Variants in RBMS3 observed in about 807,000 individuals in gnomAD.
The protein encoded by RBMS3 is RNA binding motif single stranded interacting protein 3.
Under a neutral mutation model 66.8 loss-of-function variants are expected in RBMS3, and 27 were observed. That is an observed-to-expected ratio of 0.40 (90% CI 0.30 to 0.56). RBMS3 has a LOEUF of 0.56. Among genes scored for constraint, RBMS3 ranks in the 20% least tolerant of loss-of-function variants. RBMS3 has a pLI of 0.40. For missense variants in RBMS3, 513 were observed against 549.5 expected (o/e 0.93, Z 0.66); for synonymous variants, 188 against 183.0 (o/e 1.03, Z -0.22).
chr3:29,501,222 C>T (rs56400804), intron 3 of RBMS3, among the ~76,000 whole-genome samples: 20,051 of 152,086 alleles, frequency 0.13, 1,962 homozygotes, highest in African/African-American at 0.27. Context: ...AAGTTTAACA[C>T]GTCCACTTTG....
At chr3:29,896,427 A>G (rs1469509377) in intron 8 of RBMS3, among the ~76,000 whole-genome samples, 1 of 151,532 alleles carries the variant, frequency 6.6e-6, no homozygotes, top group Non-Finnish European at 1.5e-5. Context: ...CAAAAGAATT[A>G]TACCATTATT....
chr3:29,468,446 C>T (rs1481371442), intron 2 of RBMS3, among the ~76,000 whole-genome samples: 1 of 152,140 alleles, frequency 6.6e-6, no homozygotes, highest in Admixed American at 6.6e-5. Flanking sequence ...TTAACCTAAT[C>T]TGGAATAAGT....
intron 4 of RBMS3, chr3:29,641,211 T>G (rs1306387923): frequency 1.3e-5 from 2 of 152,036 alleles, no homozygotes; most frequent in African/African-American, 4.8e-5. Context: ...ATAAGTTGTG[T>G]ATAAACTAAA....
chr3:29,503,330 A>G (rs976877739), intron 3 of RBMS3, among the ~76,000 whole-genome samples: 1 of 152,026 alleles, frequency 6.6e-6, no homozygotes, highest in African/African-American at 2.4e-5. Flanking sequence ...TCTAATTCTT[A>G]CCGAGATTTA....
At chr3:29,928,180 T>TTATA (rs1199975605) in intron 10 of RBMS3, among the ~76,000 whole-genome samples, 1,929 of 102,338 alleles carry the variant, frequency 0.019, 29 homozygotes, top group African/African-American at 0.033. Flanking sequence ...TCTTCAAATT[T>TTATA]TATATATATA....
chr3:29,585,400 A>G (rs2047483088), intron 3 of RBMS3, among the ~76,000 whole-genome samples: 1 of 152,128 alleles, frequency 6.6e-6, no homozygotes, highest in South Asian at 2.1e-4. Context: ...CAACGTAGGG[A>G]TATAAAGCAA....
intron 4 of RBMS3, among the ~76,000 whole-genome samples, chr3:29,687,877 T>C (rs1158476256): frequency 2.6e-5 from 4 of 152,156 alleles, no homozygotes; most frequent in African/African-American, 9.7e-5. Context: ...ATTAGACCCA[T>C]GAACTGAAGT....
chr3:29,500,498 G>T lies in RBMS3; in HGVS notation c.307+11999G>T, dbSNP rs375684145. Among the ~76,000 whole-genome samples, 3 of 151,150 alleles carry T rather than the reference G, an allele frequency of 2.0e-5. No homozygotes were observed. In the East Asian group the frequency reaches 5.8e-4, roughly 29 times the overall value. On this transcript the variant is annotated intron_variant, in intron 3 of 14. Transcript: ENST00000383767. ...ATATAGTCATGTATTACATAATGAT[G>T]TTTTGGTCATCGACAAAACTCATAT...
chr3:29,342,739 A>G (rs1283658178), intron 1 of RBMS3, among the ~76,000 whole-genome samples: 1 of 152,158 alleles, frequency 6.6e-6, no homozygotes, highest in Non-Finnish European at 1.5e-5. Flanking sequence ...GTTAAAACCT[A>G]TACGTAGTGG....
chr3:29,781,600 T>G (rs1412253244), intron 6 of RBMS3, among the ~76,000 whole-genome samples: 1 of 152,174 alleles, frequency 6.6e-6, no homozygotes, highest in African/African-American at 2.4e-5. Flanking sequence ...GTCTAATCCT[T>G]GATTGCTTGC....
intron 12 of RBMS3, among the ~76,000 whole-genome samples, chr3:29,961,034 T>A (rs1345907474): frequency 6.6e-6 from 1 of 152,202 alleles, no homozygotes; most frequent in Non-Finnish European, 1.5e-5. Context: ...AATTTCTCCC[T>A]GAAAATGGGT....
intron 10 of RBMS3, among the ~76,000 whole-genome samples, chr3:29,916,350 G>A (rs559905266): frequency 2.0e-4 from 31 of 151,896 alleles, no homozygotes; most frequent in Non-Finnish European, 3.7e-4. Context: ...AATTTGTTAA[G>A]TTTAATAATC....
At chr3:29,647,014 G>A (rs772698454) in intron 4 of RBMS3, among the ~76,000 whole-genome samples, 10 of 152,100 alleles carry the variant, frequency 6.6e-5, no homozygotes, top group African/African-American at 7.2e-5. Flanking sequence ...GTCTCACTCT[G>A]TTGCCCAGGC....
At chr3:29,790,387 T>A (rs2056966281) in intron 6 of RBMS3, among the ~76,000 whole-genome samples, 1 of 152,200 alleles carries the variant, frequency 6.6e-6, no homozygotes, top group African/African-American at 2.4e-5. Context: ...GGTTACATAA[T>A]TCATTTTCAC....
intron 6 of RBMS3, among the ~76,000 whole-genome samples, chr3:29,787,060 C>A (rs1008207150): frequency 1.3e-5 from 2 of 151,958 alleles, no homozygotes; most frequent in Admixed American, 6.6e-5. Flanking sequence ...ATACAAATGG[C>A]CAACAAGCAA....
In RBMS3 at chr3:29,487,120, C is replaced by T. The variant is rs145292741; in HGVS notation, c.249-1321C>T. On this transcript the variant is annotated intron_variant, in intron 2 of 14. Transcript: ENST00000383767. ...TAGTTAATGGGTATGATTGTAGGTA[C>T]GATGAATCATTGTCTAGTAAAGAGA... Among the ~76,000 whole-genome samples, 67 of 152,176 alleles carry T rather than the reference C, an allele frequency of 4.4e-4. 2 individuals are homozygous for T. The East Asian group carries it at 9.1e-3, about 21-fold the overall frequency.
At chr3:29,498,772 G>A (rs2148932748) in intron 3 of RBMS3, among the ~76,000 whole-genome samples, 1 of 152,284 alleles carries the variant, frequency 6.6e-6, no homozygotes, top group Non-Finnish European at 1.5e-5. Context: ...TATGGCCTTG[G>A]ACTTGGATAC....
intron 12 of RBMS3, among the ~76,000 whole-genome samples, chr3:29,982,790 A>T (rs1310145515): frequency 1.3e-5 from 2 of 152,056 alleles, no homozygotes; most frequent in African/African-American, 4.8e-5. Context: ...GTTTGTTTTG[A>T]TTTCCATTCT....
intron 4 of RBMS3, among the ~76,000 whole-genome samples, chr3:29,668,212 G>T (rs1306252538): frequency 6.6e-6 from 1 of 152,204 alleles, no homozygotes; most frequent in Admixed American, 6.5e-5. Context: ...AGCAAAGGAT[G>T]ACATAAATCA....
Sources: gnomAD v4.1 joint callset for allele counts (sites outside exome capture counted in the v4.1 genomes callset) on GRCh38, gnomAD v4.1.1 for gene constraint, MANE v1.5 for transcripts, NCBI Gene and HGNC (gene_info 2026-07-23, HGNC 2026-07-21) for gene names.